CDH17: variants seen among roughly 807,000 people sequenced by gnomAD.
CDH17 encodes the protein cadherin-17.
CDH17 carries 67 observed loss-of-function variants against 86.3 expected under a neutral mutation model. The ratio of observed to expected loss-of-function variants is 0.78; its 90% CI spans 0.64 to 0.95. The LOEUF (loss-of-function observed/expected upper bound fraction) is 0.95, where lower values mean the gene tolerates loss of function less well. Among genes scored for constraint, CDH17 ranks in the 40% least tolerant of loss-of-function variants. CDH17 has a pLI of 0.00. For synonymous variants in CDH17, 367 were observed against 366.4 expected (o/e 1.00, Z -0.02); for missense variants, 993 against 1,017.6 (o/e 0.98, Z 0.33).
At chr8:94,154,104 T>C (rs1812905841) in intron 12 of CDH17, among the ~76,000 whole-genome samples, 1 of 152,204 alleles carries the variant, frequency 6.6e-6, no homozygotes, top group South Asian at 2.1e-4. Context: ...CATTCTACAA[T>C]GTATGTATAT....
chr8:94,195,973 G>A (rs376760403), intron 1 of CDH17, among the ~76,000 whole-genome samples: 6 of 151,732 alleles, frequency 4.0e-5, no homozygotes, highest in African/African-American at 1.2e-4. Context: ...TGTTAGCCAC[G>A]ATGGTCTCAA....
intron 1 of CDH17, among the ~76,000 whole-genome samples, chr8:94,200,641 C>T (rs1421627206): frequency 6.9e-6 from 1 of 145,404 alleles, no homozygotes; most frequent in Admixed American, 7.1e-5. Context: ...TGGGCACCAC[C>T]ATGACCACCA....
Position 94,170,565 on chromosome 8 carries a change from G to A in CDH17, c.916-18C>T. The A allele has an allele frequency of 6.2e-7, 1 of 1,612,510 alleles. No homozygotes were observed. The highest frequency in any genetic ancestry group is 8.5e-7 in the Non-Finnish European group (1 of 1,179,056). On this transcript the variant is annotated intron_variant, in intron 8 of 17. Coordinates refer to ENST00000027335, the MANE Select transcript of CDH17 (RefSeq NM_004063.4). The stretch of plus-strand genomic sequence containing the variant: ...AAAACATACTACAACAGGAAAGTCA[G>A]AGTTAAGGCAAGACTCACCCACCAC...
chr8:94,158,938 T>A (rs1812996822), intron 12 of CDH17, among the ~76,000 whole-genome samples: 1 of 152,248 alleles, frequency 6.6e-6, no homozygotes, highest in Non-Finnish European at 1.5e-5. Context: ...GGCTCAAAAC[T>A]GTACTCCAGA....
At chr8:94,128,837 G>A (rs905526898) in intron 17 of CDH17, among the ~76,000 whole-genome samples, 5 of 152,116 alleles carry the variant, frequency 3.3e-5, no homozygotes, top group Non-Finnish European at 7.4e-5. Context: ...TTCCTTGGGC[G>A]CCTTCCTCCT....
Position 94,174,925 on chromosome 8 carries a change from GAATT to G in CDH17, c.425-669_425-666del, listed in dbSNP as rs1813343257. On this transcript the variant is annotated intron_variant, in intron 5 of 17. Transcript: ENST00000027335. ...CATGTTGATTAGTGTTATTTTTAAT[GAATT>G]AATAATTTTTTAAAATTTCTAATAT... is the stretch of plus-strand genomic sequence containing the variant. Among the ~76,000 whole-genome samples, 3 of 152,168 alleles carry G rather than the reference GAATT, an allele frequency of 2.0e-5. 1 individual carries two copies. Among genetic ancestry groups the G allele is most frequent in the Middle Eastern group, 3.4e-3 (1 of 294 alleles).
intron 9 of CDH17, among the ~76,000 whole-genome samples, chr8:94,167,945 G>A: frequency 6.6e-6 from 1 of 151,504 alleles, no homozygotes; most frequent in Non-Finnish European, 1.5e-5. Flanking sequence ...GAAATATTTA[G>A]GGAGGTGGGG....
At chr8:94,134,655 C>A (rs1812486902) in intron 15 of CDH17, among the ~76,000 whole-genome samples, 1 of 152,008 alleles carries the variant, frequency 6.6e-6, no homozygotes, top group African/African-American at 2.4e-5. Context: ...TCTCTATCAT[C>A]TCCTTCAGTT....
chr8:94,135,750 G>A (rs1340441128), intron 15 of CDH17, among the ~76,000 whole-genome samples: 23 of 152,128 alleles, frequency 1.5e-4, no homozygotes, highest in Non-Finnish European at 2.1e-4. Flanking sequence ...TCCTAGCATC[G>A]ATGGTCTTTA....
chr8:94,162,327 C>T (rs1004481216), intron 10 of CDH17, among the ~76,000 whole-genome samples, 165 bp from the exon 11 acceptor site: 2 of 152,126 alleles, frequency 1.3e-5, no homozygotes, highest in Non-Finnish European at 2.9e-5. Flanking sequence ...CCCACCTGTA[C>T]CCAAGTGGTC....
At chr8:94,198,311 C>T (rs1357939485) in intron 1 of CDH17, among the ~76,000 whole-genome samples, 2 of 152,132 alleles carry the variant, frequency 1.3e-5, no homozygotes, top group African/African-American at 2.4e-5. Flanking sequence ...ATTTGGTTGA[C>T]ATATCTAAAC....
chr8:94,176,600 T>C lies in CDH17; in HGVS notation c.365A>G (p.Asn122Ser). Residue 122 changes from asparagine to serine, a missense_variant, in exon 5 of 18, where the codon AAT becomes AGT. Transcript: ENST00000027335. Reference sequence around the variant, plus strand: ...CTTTGACTGGAGAAACGTGGGTCGATTGTCGTTGATGTCCTTCACTTTTAT... The same window carrying C: ...CTTTGACTGGAGAAACGTGGGTCGACTGTCGTTGATGTCCTTCACTTTTAT... ...ITIKVKDIND[N>S]RPTFLQSKYE... The C allele has an allele frequency of 6.2e-7, 1 of 1,613,862 alleles. No individual in the cohort carries two copies.
At position 94,147,462 on chromosome 8, in the gene CDH17, C is replaced by A. The variant is rs985768502; in HGVS notation, c.1927+1282G>T. On this transcript the variant is annotated intron_variant, in intron 14 of 17. Coordinates refer to ENST00000027335, the MANE Select transcript of CDH17 (RefSeq NM_004063.4). ...TCTCTTCTCCAATTCAGCTCTCAACCCTGGCCCTCACATTTTGAAAGTTTT... is the reference window on the plus strand; with the variant it reads ...TCTCTTCTCCAATTCAGCTCTCAACACTGGCCCTCACATTTTGAAAGTTTT... Among the ~76,000 whole-genome samples, 8 of 152,048 alleles carry A rather than the reference C, an allele frequency of 5.3e-5. No homozygotes were observed. The East Asian group carries it at 1.4e-3, about 26-fold the overall frequency.
chr8:94,138,589 T>G (rs1376417616), intron 15 of CDH17, among the ~76,000 whole-genome samples: 1 of 152,182 alleles, frequency 6.6e-6, no homozygotes, highest in African/African-American at 2.4e-5. Context: ...AAGAGATTTA[T>G]AGAGGGGTCT....
chr8:94,176,709 G>A lies in CDH17; in HGVS notation c.286-30C>T. 1.3e-6 allele frequency: 2 copies of A among 1,599,926 alleles called. 1 individual carries two copies. Among genetic ancestry groups the A allele is most frequent in the South Asian group, 2.3e-5 (2 of 88,436 alleles). ...TGTTGAGGAAAAGGAAACCATGTTGGTGAGACTGAACTTCATGTCACATGC... is the reference window on the plus strand; with the variant it reads ...TGTTGAGGAAAAGGAAACCATGTTGATGAGACTGAACTTCATGTCACATGC... On this transcript the variant is annotated intron_variant, in intron 4 of 17. Coordinates refer to ENST00000027335, the MANE Select transcript of CDH17 (RefSeq NM_004063.4).
In CDH17 at chr8:94,128,253, G is replaced by A. The variant is rs774284618; in HGVS notation, c.2486C>T (p.Pro829Leu). 1 of 1,610,274 alleles carries A rather than the reference G, an allele frequency of 6.2e-7. No individual in the cohort carries two copies. The highest frequency in any genetic ancestry group is 8.5e-7 in the Non-Finnish European group (1 of 1,176,796). Residue 829 changes from proline to leucine, a missense_variant, in exon 18 of 18, where the codon CCT (proline) becomes CTT (leucine). Coordinates refer to ENST00000027335, the MANE Select transcript of CDH17 (RefSeq NM_004063.4). ...VESAQASEVK[P>L]LRS The stretch of plus-strand genomic sequence containing the variant: ...TCCTTTTCAAATTCAGCTTCTCAGA[G>A]GTTTGACTTCAGATGCTTGAGCACT...
intron 1 of CDH17, among the ~76,000 whole-genome samples, chr8:94,198,881 C>G (rs1813836588): frequency 6.6e-6 from 1 of 151,822 alleles, no homozygotes; most frequent in Non-Finnish European, 1.5e-5. Flanking sequence ...TGAACTACAC[C>G]ACTTCTAGTA....
At chr8:94,166,152 T>C (rs1258092408) in intron 9 of CDH17, among the ~76,000 whole-genome samples, 176 bp from the exon 10 acceptor site, 1 of 152,216 alleles carries the variant, frequency 6.6e-6, no homozygotes, top group Non-Finnish European at 1.5e-5. Context: ...GGTTGAATAG[T>C]GTATTTGTCA....
intron 12 of CDH17, among the ~76,000 whole-genome samples, chr8:94,154,013 C>A (rs561162316): frequency 1.3e-5 from 2 of 152,254 alleles, no homozygotes; most frequent in South Asian, 4.1e-4. Context: ...ACTTTAAAAT[C>A]ACAGAAGAGT....
Sources: allele counts gnomAD v4.1 joint callset (sites outside exome capture counted in the v4.1 genomes callset), GRCh38; gene constraint gnomAD v4.1.1; transcripts MANE v1.5; gene names NCBI Gene and HGNC (gene_info 2026-07-23, HGNC 2026-07-21).